Variants in NLRP5 observed in about 807,000 individuals in gnomAD.
NLRP5 encodes NACHT, LRR and PYD domains-containing protein 5.
A neutral mutation model predicts 113.1 loss-of-function variants in NLRP5; 93 were observed. The observed-to-expected ratio is 0.82, with a 90% confidence interval of 0.70 to 0.98. The LOEUF is 0.98. NLRP5 is among the 50% of genes least tolerant of loss of function. NLRP5 has a pLI of 0.00. For missense variants in NLRP5, 1,808 were observed against 1,514.3 expected (o/e 1.19, Z -3.22); for synonymous variants, 751 against 600.7 (o/e 1.25, Z -3.66).
chr19:55,999,146 G>A (rs1196977539), upstream of NLRP5, among the ~76,000 whole-genome samples: 1 of 150,644 alleles, frequency 6.6e-6, no homozygotes, highest in Non-Finnish European at 1.5e-5. Flanking sequence ...TCTCTCTGCT[G>A]CTATGAATTT....
chr19:56,015,765 G>A lies in NLRP5; in HGVS notation c.532G>A (p.Asp178Asn). ...AGGAATTTCACAAGCTGTGCAACAAGATAGTGCCACAGCTGCAGAGACAAA... is the reference window on the plus strand; with the variant it reads ...AGGAATTTCACAAGCTGTGCAACAAAATAGTGCCACAGCTGCAGAGACAAA... The change falls in exon 4 of 15, where the codon GAT (aspartate) becomes AAT (asparagine). Residue 178 changes from aspartate (D) to asparagine (N), a missense_variant. Coordinates refer to ENST00000390649, the MANE Select transcript of NLRP5 (RefSeq NM_153447.4). 6.4e-7 allele frequency: 1 copy of A among 1,573,008 alleles called. No individual in the cohort carries two copies. The highest frequency in any genetic ancestry group is 8.6e-7 in the Non-Finnish European group (1 of 1,157,462).
intron 3 of NLRP5, among the ~76,000 whole-genome samples, chr19:56,009,865 A>G (rs1982114509): frequency 6.6e-6 from 1 of 152,134 alleles, no homozygotes; most frequent in Non-Finnish European, 1.5e-5. Context: ...CAAAGCTAAC[A>G]TCTGAGTAAC....
chr19:55,986,887 C>T, the NLRP5 span, among the ~76,000 whole-genome samples: 1 of 152,250 alleles, frequency 6.6e-6, no homozygotes, highest in South Asian at 2.1e-4. Flanking sequence ...GATTAGAACC[C>T]GCGTATTGAG....
intron 1 of NLRP5, among the ~76,000 whole-genome samples, chr19:56,001,255 T>C (rs1195429769): frequency 6.8e-6 from 1 of 146,906 alleles, no homozygotes. Flanking sequence ...AGCCCAGGAG[T>C]TCGAGGCTGC....
At chr19:56,061,273 G>T in intron 14 of NLRP5, 123 bp from the exon 15 acceptor site, 1 of 979,898 alleles carries the variant, frequency 1.0e-6, no homozygotes, top group Non-Finnish European at 1.5e-6. Flanking sequence ...AACTCTTTGG[G>T]GCACGTTCCT....
At chr19:56,014,903 A>G (rs1360162783) in intron 3 of NLRP5, among the ~76,000 whole-genome samples, 2 of 152,116 alleles carry the variant, frequency 1.3e-5, no homozygotes, top group Non-Finnish European at 2.9e-5. Context: ...TTTCCATGTG[A>G]CTTTTAGTAT....
chr19:56,008,461 G>A (rs1328442445), intron 2 of NLRP5, among the ~76,000 whole-genome samples: 1 of 152,110 alleles, frequency 6.6e-6, no homozygotes, highest in Non-Finnish European at 1.5e-5. Flanking sequence ...TTGACTAACT[G>A]GGTCTGGAGT....
chr19:55,997,603 G>A (rs749770831), upstream of NLRP5, among the ~76,000 whole-genome samples: 87 of 152,230 alleles, frequency 5.7e-4, no homozygotes, highest in Non-Finnish European at 1.0e-3. Flanking sequence ...AAGCCAAGGT[G>A]GACAGATTAC....
chr19:56,027,169 G>A lies in NLRP5; in HGVS notation c.936G>A (p.Met312Ile), dbSNP rs765762217. The A allele has an allele frequency of 1.4e-5, 23 of 1,606,076 alleles. No individual in the cohort carries two copies. The South Asian group carries it at 2.2e-4, about 16-fold the overall frequency. ...CGCAAGGTGGACTCTACCAGGGAAT[G>A]TTCTCCTACGTCTTCTTCCTCCCCG... Residue 312 changes from methionine (M) to isoleucine (I), a missense_variant, in exon 7 of 15, where the codon ATG (methionine) becomes ATA (isoleucine). Physicochemically the swap from Met to Ile is conservative, Grantham distance 10 (BLOSUM62 1). Coordinates refer to ENST00000390649, the MANE Select transcript of NLRP5 (RefSeq NM_153447.4).
At chr19:56,044,349 C>T (rs775980042) in intron 11 of NLRP5, among the ~76,000 whole-genome samples, 6 of 152,152 alleles carry the variant, frequency 3.9e-5, no homozygotes, top group South Asian at 2.1e-4. Flanking sequence ...CCGCCACACC[C>T]GGCCAGGTTT....
chr19:56,015,932 T>G, intron 4 of NLRP5, 134 bp downstream of exon 4: 1 of 584,216 alleles, frequency 1.7e-6, no homozygotes, highest in Non-Finnish European at 2.9e-6. Flanking sequence ...TGTGAGTCCC[T>G]CTTCCCTAAG....
At chr19:56,005,466 CACAT>C (rs1429151017) in intron 2 of NLRP5, among the ~76,000 whole-genome samples, 7 of 142,226 alleles carry the variant, frequency 4.9e-5, no homozygotes, top group South Asian at 2.2e-4. Context: ...TATACACACA[CACAT>C]ATTTATACAC....
At chr19:55,989,599 G>A in the NLRP5 span, among the ~76,000 whole-genome samples, 70 of 152,210 alleles carry the variant, frequency 4.6e-4, 2 homozygotes, top group Middle Eastern at 3.4e-3. Flanking sequence ...AAGGTGTGGC[G>A]GGAAGTGTGT....
At chr19:56,037,306 C>A (rs1983353085) in intron 9 of NLRP5, among the ~76,000 whole-genome samples, 1 of 151,916 alleles carries the variant, frequency 6.6e-6, no homozygotes. Flanking sequence ...GCCGAGGGGA[C>A]CATAGAGAAC....
intron 7 of NLRP5, 77 bp from the exon 8 acceptor site, chr19:56,032,534 C>T: frequency 7.3e-7 from 1 of 1,367,184 alleles, no homozygotes; most frequent in Non-Finnish European, 1.0e-6. Flanking sequence ...CTCGGTCCCT[C>T]TCCTCCGACG....
chr19:56,059,821 G>A (rs1304847468), intron 14 of NLRP5, among the ~76,000 whole-genome samples: 5 of 152,172 alleles, frequency 3.3e-5, no homozygotes, highest in Non-Finnish European at 5.9e-5. Context: ...CACCACGCCC[G>A]ACTTCCTTGT....
chr19:56,008,996 G>C (rs2080770969), intron 3 of NLRP5, 143 bp downstream of exon 3: 3 of 728,982 alleles, frequency 4.1e-6, no homozygotes, highest in Non-Finnish European at 7.1e-6. Flanking sequence ...GACCGGATGG[G>C]TTCTGAGGAT....
upstream of NLRP5, among the ~76,000 whole-genome samples, chr19:55,998,682 A>ATATATATATATATATATATGTGTG (rs1568478154): frequency 1.2e-5 from 1 of 83,668 alleles, no homozygotes; most frequent in African/African-American, 6.3e-5. Context: ...GTATATATAT[A>ATATATATATATATATATATGTGTG]TATATATATA....
intron 4 of NLRP5, among the ~76,000 whole-genome samples, chr19:56,018,438 T>C (rs1467993040): frequency 2.0e-5 from 3 of 152,238 alleles, no homozygotes; most frequent in East Asian, 1.9e-4. Flanking sequence ...GTTATTACTC[T>C]ACCAAATCAT....
Sources: gnomAD v4.1 joint callset for allele counts (sites outside exome capture counted in the v4.1 genomes callset) on GRCh38, gnomAD v4.1.1 for gene constraint, MANE v1.5 for transcripts, NCBI Gene and HGNC (gene_info 2026-07-23, HGNC 2026-07-21) for gene names.